WDR35: variants seen among roughly 807,000 people sequenced by gnomAD.
WDR35 encodes WD repeat domain 35.
A neutral mutation model predicts 158.3 loss-of-function variants in WDR35; 118 were observed. The ratio of observed to expected loss-of-function variants is 0.75; its 90% CI spans 0.64 to 0.87. WDR35 has a LOEUF of 0.87. Among genes scored for constraint, WDR35 ranks in the 40% least tolerant of loss-of-function variants. WDR35 has a pLI of 0.00. For synonymous variants in WDR35, 448 were observed against 476.1 expected (o/e 0.94, Z 0.77); for missense variants, 1,263 against 1,405.8 (o/e 0.90, Z 1.62).
chr2:19,989,273 G>A lies in WDR35; in HGVS notation c.34C>T (p.Pro12Ser), dbSNP rs1158246039. Reference sequence around the variant, plus strand: ...ACACACTGCAGCTTCACGTTATTGGGAATGGAAATCTGAAAAAGCAACCAC... The same window carrying A: ...ACACACTGCAGCTTCACGTTATTGGAAATGGAAATCTGAAAAAGCAACCAC... Reference protein sequence around the residue: ...FFYLSKKISIPNNVKLQCVSW... With the variant: ...FFYLSKKISISNNVKLQCVSW... Residue 12 changes from proline to serine, a missense_variant, in exon 2 of 27, where the codon CCC becomes TCC. Pro to Ser is a moderately conservative substitution (Grantham distance 74). Coordinates refer to ENST00000281405, the MANE Select transcript of WDR35 (RefSeq NM_020779.4). 10 of 1,614,050 alleles carry A rather than the reference G, an allele frequency of 6.2e-6. No individual in the cohort carries two copies. Among genetic ancestry groups the A allele is most frequent in the Non-Finnish European group, 6.8e-6 (8 of 1,180,016 alleles).
At chr2:19,962,519 T>C (rs1252923827) in intron 10 of WDR35, among the ~76,000 whole-genome samples, 2 of 142,178 alleles carry the variant, frequency 1.4e-5, no homozygotes, top group Non-Finnish European at 2.9e-5. Flanking sequence ...TTCTTACTGT[T>C]AGTCTCTGTT....
At chr2:19,987,821 C>T (rs1348880841) in intron 2 of WDR35, among the ~76,000 whole-genome samples, 1 of 82,548 alleles carries the variant, frequency 1.2e-5, no homozygotes, top group Admixed American at 1.5e-4. Flanking sequence ...GAAACTCTGT[C>T]TCAAAAAAAA....
At chr2:19,961,652 C>T (rs1009811689) in intron 10 of WDR35, among the ~76,000 whole-genome samples, 2 of 152,156 alleles carry the variant, frequency 1.3e-5, no homozygotes, top group Admixed American at 1.3e-4. Context: ...GTGGTCCAGT[C>T]AAAGCAAAAG....
chr2:19,965,087 C>G (rs531787864), intron 10 of WDR35, among the ~76,000 whole-genome samples: 1 of 152,126 alleles, frequency 6.6e-6, no homozygotes, highest in East Asian at 2.0e-4. Flanking sequence ...CCATGCCCAG[C>G]TAATTTTGTA....
At chr2:19,948,531 T>A (rs955475120) in intron 13 of WDR35, among the ~76,000 whole-genome samples, 1 of 151,926 alleles carries the variant, frequency 6.6e-6, no homozygotes, top group Non-Finnish European at 1.5e-5. Context: ...GTACCTAACT[T>A]ACACCAAGAC....
intron 2 of WDR35, 48 bp from the exon 3 acceptor site, chr2:19,982,582 ATAT>A: frequency 6.3e-7 from 1 of 1,580,258 alleles, no homozygotes; most frequent in African/African-American, 1.4e-5. Context: ...TAAAAGTGAC[ATAT>A]TATAAGATTT....
At chr2:19,989,896 A>T (rs1672695540) in intron 1 of WDR35, 96 bp downstream of exon 1, 1 of 1,569,612 alleles carries the variant, frequency 6.4e-7, no homozygotes, top group Admixed American at 1.8e-5. Context: ...CACGACCAGG[A>T]CCGGGTGAAG....
In WDR35 at chr2:19,937,655, C is replaced by T. The variant is rs191073392; in HGVS notation, c.2267+88G>A. 9.8e-6 allele frequency: 15 copies of T among 1,535,378 alleles called. No individual in the cohort carries two copies. In the African/African-American group the frequency reaches 1.4e-4, roughly 14 times the overall value. ...AATTTCTAAAAGGAACCATATGATACACCTAACGTATTTATAGTTTCCATT... is the reference window on the plus strand; with the variant it reads ...AATTTCTAAAAGGAACCATATGATATACCTAACGTATTTATAGTTTCCATT... On this transcript the variant is annotated intron_variant, in intron 19 of 26. Coordinates refer to ENST00000281405, the MANE Select transcript of WDR35 (RefSeq NM_020779.4).
intron 25 of WDR35, among the ~76,000 whole-genome samples, chr2:19,918,735 A>C (rs1480908243): frequency 6.6e-6 from 1 of 152,240 alleles, no homozygotes; most frequent in East Asian, 1.9e-4. Flanking sequence ...AGGAACACCC[A>C]AATTCATAAA....
chr2:19,956,070 G>C (rs1352517183), intron 11 of WDR35, among the ~76,000 whole-genome samples: 1 of 152,138 alleles, frequency 6.6e-6, no homozygotes, highest in African/African-American at 2.4e-5. Flanking sequence ...GTGCGCTCCT[G>C]CCAGGTCAGG....
At chr2:19,931,611 A>G (rs1670528763) in intron 23 of WDR35, among the ~76,000 whole-genome samples, 1 of 152,142 alleles carries the variant, frequency 6.6e-6, no homozygotes, top group Non-Finnish European at 1.5e-5. Context: ...TTCTTTCCTT[A>G]GTATTTAGCC....
chr2:19,938,803 C>T (rs1670781020), intron 17 of WDR35, among the ~76,000 whole-genome samples: 1 of 152,174 alleles, frequency 6.6e-6, no homozygotes, highest in African/African-American at 2.4e-5. Flanking sequence ...ACCTAATGCT[C>T]TCCTGCTTCA....
chr2:19,932,579 T>C, intron 22 of WDR35, 132 bp from the exon 23 acceptor site: 1 of 1,114,728 alleles, frequency 9.0e-7, no homozygotes, highest in South Asian at 1.4e-5. Flanking sequence ...GTTTTAAAAA[T>C]AGCATTTAAA....
intron 25 of WDR35, among the ~76,000 whole-genome samples, chr2:19,918,401 T>G (rs1038863228): frequency 1.3e-5 from 2 of 152,114 alleles, no homozygotes; most frequent in Non-Finnish European, 2.9e-5. Flanking sequence ...AATATTAACC[T>G]TAAATGTAAA....
chr2:19,931,185 T>A, intron 24 of WDR35, 84 bp downstream of exon 24: 1 of 1,464,298 alleles, frequency 6.8e-7, no homozygotes, highest in East Asian at 2.3e-5. Flanking sequence ...AAATGACCTA[T>A]CCATAAAAGA....
intron 13 of WDR35, 91 bp downstream of exon 13, chr2:19,951,324 G>A: frequency 1.7e-6 from 2 of 1,178,656 alleles, no homozygotes; most frequent in Non-Finnish European, 1.2e-6. Context: ...CTATTCACTG[G>A]AAACAAATTA....
At chr2:19,926,909 C>G (rs562027819) in intron 25 of WDR35, among the ~76,000 whole-genome samples, 98 of 151,656 alleles carry the variant, frequency 6.5e-4, no homozygotes, top group African/African-American at 2.1e-3. Context: ...GAGGACCCCC[C>G]CCACCCTGTT....
At chr2:19,929,263 T>C (rs1042297488) in intron 25 of WDR35, among the ~76,000 whole-genome samples, 2 of 152,208 alleles carry the variant, frequency 1.3e-5, no homozygotes, top group Non-Finnish European at 2.9e-5. Context: ...TAATTAAAAA[T>C]AAAAATCATC....
intron 13 of WDR35, among the ~76,000 whole-genome samples, chr2:19,950,351 C>G (rs1003381605): frequency 6.6e-6 from 1 of 152,074 alleles, no homozygotes; most frequent in Non-Finnish European, 1.5e-5. Flanking sequence ...AATTCAAAGT[C>G]TTCTGGAAAC....
Sources: gnomAD v4.1 joint callset for allele counts (sites outside exome capture counted in the v4.1 genomes callset) on GRCh38, gnomAD v4.1.1 for gene constraint, MANE v1.5 for transcripts, NCBI Gene and HGNC (gene_info 2026-07-23, HGNC 2026-07-21) for gene names.